Variants in CSMD1 observed in about 807,000 individuals in gnomAD.
The protein encoded by CSMD1 is CUB and sushi domain-containing protein 1.
In CSMD1, 213 loss-of-function variants were observed where a neutral mutation model predicts 417.5. The observed-to-expected ratio is 0.51, with a 90% confidence interval of 0.46 to 0.57. CSMD1 has a LOEUF of 0.57. CSMD1 is among the 20% of genes least tolerant of loss of function. The pLI, the probability that CSMD1 is intolerant of heterozygous loss-of-function variation, is 0.00. For synonymous variants in CSMD1, 2,862 were observed against 1,736.8 expected, an observed-to-expected ratio of 1.65 and a Z score of -16.11; for missense variants, 6,923 against 4,529.7, an observed-to-expected ratio of 1.53 and a Z score of -15.17.
At chr8:4,031,855 C>T (rs1797363046) in intron 4 of CSMD1, 50 bp downstream of exon 4, 1 of 1,406,488 alleles carries the variant, frequency 7.1e-7, no homozygotes, top group Admixed American at 2.4e-5. Flanking sequence ...ATCTCCAAAA[C>T]CATTGCCCTG....
chr8:3,754,135 C>A, intron 5 of CSMD1, 93 bp from the exon 6 acceptor site: 1 of 731,246 alleles, frequency 1.4e-6, no homozygotes, highest in Non-Finnish European at 2.4e-6. Flanking sequence ...TTACTTAAAT[C>A]CTTCATCTTG....
At chr8:3,694,960 T>G (rs1264523389) in intron 7 of CSMD1, among the ~76,000 whole-genome samples, 1 of 151,892 alleles carries the variant, frequency 6.6e-6, no homozygotes, top group East Asian at 1.9e-4. Flanking sequence ...TCAAGAAAAG[T>G]AGTGAAAATT....
intron 8 of CSMD1, among the ~76,000 whole-genome samples, chr8:3,592,290 C>T (rs1451327516): frequency 6.6e-6 from 1 of 152,038 alleles, no homozygotes; most frequent in Non-Finnish European, 1.5e-5. Flanking sequence ...AAAAAGTCCA[C>T]TTCAAACATA....
At chr8:4,766,220 G>A (rs1484253645) in intron 1 of CSMD1, among the ~76,000 whole-genome samples, 2 of 152,156 alleles carry the variant, frequency 1.3e-5, no homozygotes, top group Non-Finnish European at 2.9e-5. Context: ...ATGTGCTGGT[G>A]CGTTGGCAAC....
rs191013420 is a variant in CSMD1, at chr8:3,260,005, T to C, written c.4153+24139A>G. On this transcript the variant is annotated intron_variant, in intron 26 of 69. Coordinates refer to ENST00000635120, the MANE Select transcript of CSMD1 (RefSeq NM_033225.6). The stretch of plus-strand genomic sequence containing the variant: ...ACCACAGGACCTGCAAAGCCTAAAA[T>C]AGCTACTCTCTGACTCTTCAGGGAA... 4.0e-3 allele frequency among the ~76,000 whole-genome samples: 602 copies of C among 152,232 alleles called. 2 individuals carry two copies. The highest frequency in any genetic ancestry group is 6.7e-3 in the Non-Finnish European group (455 of 67,994).
intron 26 of CSMD1, among the ~76,000 whole-genome samples, chr8:3,250,139 T>G (rs1048075324): frequency 5.3e-5 from 8 of 152,212 alleles, no homozygotes; most frequent in Admixed American, 3.3e-4. Context: ...ACATGTGCCG[T>G]GTTGGTGTGG....
At chr8:3,544,553 G>C (rs1429447274) in intron 10 of CSMD1, among the ~76,000 whole-genome samples, 1 of 151,954 alleles carries the variant, frequency 6.6e-6, no homozygotes, top group African/African-American at 2.4e-5. Flanking sequence ...ATTGTTTCTT[G>C]CATGAGATCC....
chr8:3,410,990 G>T (rs1263165108), intron 12 of CSMD1, among the ~76,000 whole-genome samples: 1 of 152,180 alleles, frequency 6.6e-6, no homozygotes, highest in Admixed American at 6.5e-5. Context: ...TCGAAAAGGA[G>T]ATGTGATCCC....
chr8:4,657,734 A>C (rs971895815), intron 1 of CSMD1, among the ~76,000 whole-genome samples: 2 of 151,266 alleles, frequency 1.3e-5, no homozygotes, highest in African/African-American at 4.9e-5. Context: ...AAAAAAAAAA[A>C]CTCTCCCTGA....
rs182209530 is a variant in CSMD1 at position 3,932,775 on chromosome 8, T to C, written c.818+65128A>G. ...AACCACTAATAACCATAAAGGTTAA[T>C]GAAGCTGAGTTTTCATTTCAATTGG... On this transcript the variant is annotated intron_variant, in intron 5 of 69. Coordinates refer to ENST00000635120, the MANE Select transcript of CSMD1 (RefSeq NM_033225.6). 1.3e-3 allele frequency among the ~76,000 whole-genome samples: 200 copies of C among 150,600 alleles called. 9 individuals carry two copies. Among genetic ancestry groups the C allele is most frequent in the African/African-American group, 4.0e-3 (163 of 40,892 alleles).
intron 23 of CSMD1, among the ~76,000 whole-genome samples, chr8:3,308,731 A>AATTTTTTTTTT (rs750152499): frequency 5.3e-5 from 4 of 75,824 alleles, no homozygotes; most frequent in Non-Finnish European, 7.5e-5. Flanking sequence ...CCTACTTACA[A>AATTTTTTTTTT]GTTTTTTTTT....
chr8:4,938,458 G>C (rs141562111), intron 1 of CSMD1, among the ~76,000 whole-genome samples: 18 of 152,206 alleles, frequency 1.2e-4, no homozygotes, highest in African/African-American at 4.3e-4. Context: ...CTAGTAAAAA[G>C]ACAAACATTT....
chr8:3,072,547 T>C (rs1215694818), intron 49 of CSMD1, among the ~76,000 whole-genome samples: 1 of 152,328 alleles, frequency 6.6e-6, no homozygotes, highest in East Asian at 1.9e-4. Flanking sequence ...AGCACAGTTC[T>C]TGGCGTAGGT....
intron 54 of CSMD1, among the ~76,000 whole-genome samples, chr8:2,992,411 G>T (rs1349327469): frequency 6.6e-6 from 1 of 151,920 alleles, no homozygotes; most frequent in East Asian, 1.9e-4. Context: ...GTCGAGTTTT[G>T]ATTTGCTTTG....
intron 1 of CSMD1, among the ~76,000 whole-genome samples, chr8:4,982,666 T>C (rs1041110618): frequency 6.6e-6 from 1 of 152,250 alleles, no homozygotes; most frequent in African/African-American, 2.4e-5. Flanking sequence ...ACAGTATTTT[T>C]ATATGGACTC....
At chr8:4,688,999 A>G (rs999383244) in intron 1 of CSMD1, among the ~76,000 whole-genome samples, 6 of 152,270 alleles carry the variant, frequency 3.9e-5, no homozygotes, top group Admixed American at 3.9e-4. Flanking sequence ...AGGAAGTTAT[A>G]GAACTAAATT....
chr8:4,870,344 T>A (rs1802664039), intron 1 of CSMD1, among the ~76,000 whole-genome samples: 1 of 152,110 alleles, frequency 6.6e-6, no homozygotes, highest in Non-Finnish European at 1.5e-5. Flanking sequence ...CAATCATATT[T>A]TTATGCACTG....
chr8:4,152,724 C>T (rs1251618962), intron 3 of CSMD1, among the ~76,000 whole-genome samples: 5 of 151,894 alleles, frequency 3.3e-5, no homozygotes, highest in African/African-American at 9.7e-5. Context: ...CATATACACA[C>T]ACACAATAGA....
At chr8:4,179,102 A>T (rs539271527) in intron 3 of CSMD1, among the ~76,000 whole-genome samples, 1 of 152,288 alleles carries the variant, frequency 6.6e-6, no homozygotes, top group African/African-American at 2.4e-5. Flanking sequence ...GGAAACAAAA[A>T]AGAGCCCGCA....
Sources: allele counts gnomAD v4.1 joint callset (sites outside exome capture counted in the v4.1 genomes callset), GRCh38; gene constraint gnomAD v4.1.1; transcripts MANE v1.5; gene names NCBI Gene and HGNC (gene_info 2026-07-23, HGNC 2026-07-21).